NALCN: variants seen among roughly 807,000 people sequenced by gnomAD.
NALCN encodes the protein sodium leak channel, non-selective.
In NALCN, 111 loss-of-function variants were observed where a neutral mutation model predicts 225.3. The observed-to-expected ratio is 0.49, with a 90% CI of 0.42 to 0.58. The LOEUF (loss-of-function observed/expected upper bound fraction) is 0.58, where lower values mean the gene tolerates loss of function less well. Among genes scored for constraint, NALCN ranks in the 20% least tolerant of loss-of-function variants. The pLI, the probability that NALCN is intolerant of heterozygous loss-of-function variation, is 0.00. For missense variants in NALCN, 1,378 were observed against 2,202.4 expected (o/e 0.63, Z 7.49); for synonymous variants, 764 against 769.0 (o/e 0.99, Z 0.11).
intron 9 of NALCN, 35 bp downstream of exon 9, chr13:101,291,955 G>A (rs779045081): frequency 1.6e-5 from 26 of 1,603,728 alleles, no homozygotes; most frequent in South Asian, 2.2e-5. Flanking sequence ...GTGCATGCTC[G>A]AATGGGTTAT....
chr13:101,292,213 C>A lies in NALCN; in HGVS notation c.942+11G>T. 6.2e-7 allele frequency: 1 copy of A among 1,613,772 alleles called. No individual in the cohort carries two copies. The highest frequency in any genetic ancestry group is 2.2e-5 in the East Asian group (1 of 44,854). ...GAACATAGACTTTCTTAGTACAATT[C>A]TTCGCAGTACCTTCACAAGCCAGGC... On this transcript the variant is annotated intron_variant, in intron 8 of 43. Coordinates refer to ENST00000251127, the MANE Select transcript of NALCN (RefSeq NM_052867.4). The surrounding 1 kb of genome is among the most constrained non-coding windows in gnomAD (Gnocchi z 4.3).
At chr13:101,179,474 T>TG (rs1031971273) in intron 14 of NALCN, among the ~76,000 whole-genome samples, 3 of 152,204 alleles carry the variant, frequency 2.0e-5, no homozygotes, top group Non-Finnish European at 2.9e-5. Context: ...CCATTTCTGT[T>TG]GGGGGCTGGA....
intron 15 of NALCN, among the ~76,000 whole-genome samples, chr13:101,159,875 G>T (rs2038077202): frequency 6.6e-6 from 1 of 152,200 alleles, no homozygotes; most frequent in African/African-American, 2.4e-5. Context: ...CTGAAAGAGA[G>T]GGAAGACATT....
intron 13 of NALCN, among the ~76,000 whole-genome samples, chr13:101,227,243 T>C (rs777858675): frequency 4.6e-5 from 7 of 152,170 alleles, no homozygotes; most frequent in Admixed American, 4.6e-4. Context: ...GCAGGAACCT[T>C]TGCCATCATC....
chr13:101,075,116 G>T (rs988901664), intron 35 of NALCN, among the ~76,000 whole-genome samples: 2 of 151,852 alleles, frequency 1.3e-5, no homozygotes, highest in Non-Finnish European at 2.9e-5. Context: ...CAAATATTAA[G>T]TATATTGGTT....
chr13:101,376,943 T>C lies in NALCN; in HGVS notation c.489A>G (p.Pro163=), dbSNP rs2046711191. 4 of 1,614,236 alleles carry C rather than the reference T, an allele frequency of 2.5e-6. No individual in the cohort carries two copies. The highest frequency in any genetic ancestry group is 3.4e-6 in the Non-Finnish European group (4 of 1,180,034). Residue 163 remains proline (P), a synonymous_variant, in exon 5 of 44, where the codon CCA becomes CCG. Coordinates refer to ENST00000251127, the MANE Select transcript of NALCN (RefSeq NM_052867.4). ...TTAAAATATTTGTAATTCTGGTCCT[T>C]GGCAGTTCAAATCGGAAATAAATCC... is the stretch of plus-strand genomic sequence containing the variant. ...AFRIYFRFEL[P]RTRITNILKR...
At chr13:101,306,981 C>A (rs1023926259) in intron 7 of NALCN, among the ~76,000 whole-genome samples, 14 of 152,122 alleles carry the variant, frequency 9.2e-5, no homozygotes, top group African/African-American at 2.9e-4. Flanking sequence ...TGCCTTCAGT[C>A]CCTGGAAGAG....
intron 33 of NALCN, 97 bp downstream of exon 33, chr13:101,082,706 CAATGGA>C: frequency 8.4e-7 from 1 of 1,192,676 alleles, no homozygotes. Context: ...ACTTCAAAGG[CAATGGA>C]ACACAGAGAG....
At chr13:101,234,858 C>CCTAT (rs374850960) in intron 12 of NALCN, among the ~76,000 whole-genome samples, 20 of 87,570 alleles carry the variant, frequency 2.3e-4, no homozygotes, top group East Asian at 4.8e-4. Flanking sequence ...CTATCATCTA[C>CCTAT]CTATCTATCT....
At chr13:101,081,420 A>G in intron 34 of NALCN, 107 bp downstream of exon 34, 1 of 1,509,844 alleles carries the variant, frequency 6.6e-7, no homozygotes, top group Admixed American at 2.0e-5. Flanking sequence ...TCCATCTAAC[A>G]CCTCAGAGCA....
chr13:101,108,838 A>C (rs1467515333), intron 20 of NALCN, among the ~76,000 whole-genome samples: 1 of 152,210 alleles, frequency 6.6e-6, no homozygotes, highest in Non-Finnish European at 1.5e-5. Context: ...CATTCAGAAT[A>C]AGTGAAAAAG....
chr13:101,369,373 T>G (rs141377917), intron 6 of NALCN, among the ~76,000 whole-genome samples: 3 of 152,166 alleles, frequency 2.0e-5, no homozygotes, highest in Non-Finnish European at 2.9e-5. Flanking sequence ...TCACAAGGCA[T>G]GTTTTCATGC....
chr13:101,172,288 G>A (rs1404086744), intron 15 of NALCN, among the ~76,000 whole-genome samples: 1 of 151,942 alleles, frequency 6.6e-6, no homozygotes, highest in East Asian at 1.9e-4. Context: ...TTGACTTTTG[G>A]CCACTGACTT....
At chr13:101,202,286 A>G (rs2040152572) in intron 13 of NALCN, among the ~76,000 whole-genome samples, 1 of 152,200 alleles carries the variant, frequency 6.6e-6, no homozygotes, top group Admixed American at 6.5e-5. Flanking sequence ...AACTGACGGG[A>G]TGAAGATCTT....
chr13:101,202,477 G>A (rs182836788), intron 13 of NALCN, among the ~76,000 whole-genome samples: 16 of 152,282 alleles, frequency 1.1e-4, no homozygotes, highest in African/African-American at 3.9e-4. Context: ...TAGAGCCATT[G>A]ACCATAGCTA....
At chr13:101,276,850 G>A (rs2042987329) in intron 10 of NALCN, among the ~76,000 whole-genome samples, 1 of 152,126 alleles carries the variant, frequency 6.6e-6, no homozygotes, top group Non-Finnish European at 1.5e-5. Context: ...AAATATGTAT[G>A]TGCACATGTG....
chr13:101,411,504 C>T (rs1250717442), intron 1 of NALCN, among the ~76,000 whole-genome samples: 1 of 151,998 alleles, frequency 6.6e-6, no homozygotes, highest in African/African-American at 2.4e-5. Flanking sequence ...CCCACCATCA[C>T]ACCTAGCTAA....
At chr13:101,113,092 C>G (rs1247779129) in intron 18 of NALCN, among the ~76,000 whole-genome samples, 1 of 151,992 alleles carries the variant, frequency 6.6e-6, no homozygotes, top group Non-Finnish European at 1.5e-5. Context: ...GGAAACAAAC[C>G]CTAAATAATC....
intron 7 of NALCN, among the ~76,000 whole-genome samples, chr13:101,297,713 CT>C (rs2043808009): frequency 6.6e-6 from 1 of 152,188 alleles, no homozygotes; most frequent in Admixed American, 6.5e-5. Context: ...GCTACAGGTG[CT>C]TGTTTTCTTA....
Sources: gnomAD v4.1 joint callset for allele counts (sites outside exome capture counted in the v4.1 genomes callset) on GRCh38, gnomAD v4.1.1 for gene constraint, Gnocchi (gnomAD v3.1) non-coding constraint, MANE v1.5 for transcripts, NCBI Gene and HGNC (gene_info 2026-07-23, HGNC 2026-07-21) for gene names.